GLIS3: variants seen among roughly 807,000 people sequenced by gnomAD.
GLIS3 encodes zinc finger protein GLIS3.
GLIS3 carries 53 observed loss-of-function variants against 78.6 expected under a neutral mutation model. The ratio of observed to expected loss-of-function variants is 0.67; its 90% CI spans 0.54 to 0.85. The LOEUF (loss-of-function observed/expected upper bound fraction) is 0.85. Ranked by LOEUF, GLIS3 falls within the 40% of genes least tolerant of loss-of-function variation. GLIS3 has a pLI of 0.00. For synonymous variants in GLIS3, 684 were observed against 509.9 expected, an observed-to-expected ratio of 1.34 and a Z score of -4.60; for missense variants, 1,703 against 1,231.1, an observed-to-expected ratio of 1.38 and a Z score of -5.74.
intron 9 of GLIS3, among the ~76,000 whole-genome samples, chr9:3,842,429 A>G (rs1818779992): frequency 6.6e-6 from 1 of 152,144 alleles, no homozygotes; most frequent in Non-Finnish European, 1.5e-5. Context: ...CCTAGATCAC[A>G]CCACTGCAGT....
At chr9:3,941,303 C>G (rs1815893228) in intron 4 of GLIS3, among the ~76,000 whole-genome samples, 1 of 152,174 alleles carries the variant, frequency 6.6e-6, no homozygotes, top group South Asian at 2.1e-4. Flanking sequence ...AGGACAAAAT[C>G]TCAGACTCTC....
chr9:4,320,609 A>G lies in GLIS3; in HGVS notation n.265-10081T>C, dbSNP rs535579225. On this transcript the variant is annotated intron_variant and non_coding_transcript_variant, in intron 2 of 4. Transcript: ENST00000471664. ...CCCATCATCATCACCAGCACTACCA[A>G]TACCACCATTACCACCTACACCATC... 1.4e-4 allele frequency among the ~76,000 whole-genome samples: 21 copies of G among 152,090 alleles called. 1 individual carries two copies. In the South Asian group the frequency reaches 3.9e-3, roughly 29 times the overall value.
At position 3,879,819 on chromosome 9, in the gene GLIS3, G is replaced by A. The variant is rs112167900; in HGVS notation, c.2129-224C>T. 2.9e-3 allele frequency among the ~76,000 whole-genome samples: 440 copies of A among 152,166 alleles called. 3 individuals are homozygous for A. Among genetic ancestry groups the A allele is most frequent in the African/African-American group, 9.1e-3 (379 of 41,514 alleles). On this transcript the variant is annotated intron_variant, in intron 7 of 10. Transcript: ENST00000381971. The stretch of plus-strand genomic sequence containing the variant: ...TGGCTCGCTTCAGGCTGATGTTCAC[G>A]GTCTGTCTCCTAAGTGCTGCCATGC...
chr9:4,357,422 G>A, the GLIS3 span, among the ~76,000 whole-genome samples: 11 of 152,190 alleles, frequency 7.2e-5, no homozygotes, highest in Non-Finnish European at 1.5e-4. Context: ...CCTTCAGTTT[G>A]GACTAGATTT....
At chr9:3,950,783 G>A (rs1263673687) in intron 4 of GLIS3, among the ~76,000 whole-genome samples, 1 of 152,234 alleles carries the variant, frequency 6.6e-6, no homozygotes, top group African/African-American at 2.4e-5. Flanking sequence ...CAATGCAGAT[G>A]TGTTGAATAA....
Position 4,118,663 on chromosome 9 carries a change from T to A in GLIS3, c.815A>T (p.Tyr272Phe), listed in dbSNP as rs753980353. The A allele has an allele frequency of 1.2e-6, 2 of 1,613,278 alleles. No homozygotes were observed. The highest frequency in any genetic ancestry group is 1.7e-6 in the Non-Finnish European group (2 of 1,179,808). The change falls in exon 4 of 11, where the codon TAC becomes TTC. Residue 272 changes from tyrosine (Y) to phenylalanine (F), a missense_variant. Coordinates refer to ENST00000381971, the MANE Select transcript of GLIS3 (RefSeq NM_001042413.2). This position sits in a 1 kb window ranked among gnomAD's most constrained non-coding sequence, Gnocchi z 4.7. ...GTGGCTACTTTCCGTGCCAAAAAGGTAGGATGGTAATGAGTTAGAGACACT... is the reference window on the plus strand; with the variant it reads ...GTGGCTACTTTCCGTGCCAAAAAGGAAGGATGGTAATGAGTTAGAGACACT... The part of the protein sequence containing the change: ...SNSVSNSLPS[Y>F]LFGTESSHSP...
chr9:4,432,050 C>G, the GLIS3 span, among the ~76,000 whole-genome samples: 1 of 152,078 alleles, frequency 6.6e-6, no homozygotes, highest in Admixed American at 6.6e-5. Context: ...CACAGTTTGC[C>G]GACTTCTGCT....
chr9:4,373,400 G>C, the GLIS3 span, among the ~76,000 whole-genome samples: 2 of 152,190 alleles, frequency 1.3e-5, no homozygotes, highest in Non-Finnish European at 2.9e-5. Context: ...AGTAGTAGGG[G>C]ATGCGGATGG....
intron 2 of GLIS3, among the ~76,000 whole-genome samples, chr9:4,236,204 A>AAAAAAAAAAAAAAG (rs536737911): frequency 1.8e-3 from 158 of 86,366 alleles, no homozygotes; most frequent in East Asian, 5.9e-3. Flanking sequence ...AAAAAAAAAA[A>AAAAAAAAAAAAAAG]AAAGAAAGAA....
intron 1 of GLIS3, among the ~76,000 whole-genome samples, chr9:4,288,250 C>G (rs1289311100): frequency 1.3e-5 from 2 of 152,128 alleles, no homozygotes; most frequent in Non-Finnish European, 2.9e-5. Context: ...ATCTATTTTC[C>G]TCTCATTGAT....
chr9:4,042,425 T>C (rs1444689793), intron 4 of GLIS3, among the ~76,000 whole-genome samples: 1 of 152,136 alleles, frequency 6.6e-6, no homozygotes, highest in Non-Finnish European at 1.5e-5. Flanking sequence ...CATGAGTACA[T>C]AAAGCATGCC....
At chr9:3,879,883 G>C (rs1199046350) in intron 7 of GLIS3, among the ~76,000 whole-genome samples, 1 of 152,096 alleles carries the variant, frequency 6.6e-6, no homozygotes, top group Non-Finnish European at 1.5e-5. Flanking sequence ...TAATTAGTCA[G>C]TCTTGTACTG....
the GLIS3 span, among the ~76,000 whole-genome samples, chr9:4,362,690 G>C: frequency 3.3e-5 from 5 of 152,288 alleles, no homozygotes; most frequent in Admixed American, 6.5e-5. Context: ...GCACCCTCAG[G>C]TAACGCCCCA....
chr9:3,888,871 G>GT (rs1563815466), intron 7 of GLIS3, among the ~76,000 whole-genome samples: 2 of 152,108 alleles, frequency 1.3e-5, no homozygotes, highest in Non-Finnish European at 2.9e-5. Flanking sequence ...TGGAATGGAG[G>GT]GTTCAGCCTT....
intron 2 of GLIS3, among the ~76,000 whole-genome samples, chr9:4,270,468 G>T (rs1826403466): frequency 6.6e-6 from 1 of 152,134 alleles, no homozygotes; most frequent in Admixed American, 6.5e-5. Context: ...GTCAGCTAGA[G>T]CCCCATCTGA....
chr9:4,396,501 A>C, the GLIS3 span, among the ~76,000 whole-genome samples: 74 of 152,336 alleles, frequency 4.9e-4, 1 homozygote, highest in African/African-American at 1.7e-3. Flanking sequence ...TAAAATAATG[A>C]CAATGTAACT....
chr9:4,465,356 T>C, the GLIS3 span, among the ~76,000 whole-genome samples: 1 of 152,218 alleles, frequency 6.6e-6, no homozygotes, highest in Non-Finnish European at 1.5e-5. Flanking sequence ...GAGACCAGCC[T>C]GGCCAACGTG....
chr9:4,105,008 T>C (rs1384406924), intron 4 of GLIS3, among the ~76,000 whole-genome samples: 1 of 152,228 alleles, frequency 6.6e-6, no homozygotes, highest in African/African-American at 2.4e-5. Flanking sequence ...TGCACACCTA[T>C]AATTAGATGA....
chr9:4,298,750 G>A (rs778190288), intron 1 of GLIS3, among the ~76,000 whole-genome samples: 1 of 152,116 alleles, frequency 6.6e-6, no homozygotes. Context: ...GCGTCCTGGC[G>A]GCGTGGGAGG....
Sources: allele counts gnomAD v4.1 joint callset (sites outside exome capture counted in the v4.1 genomes callset), GRCh38; gene constraint gnomAD v4.1.1; non-coding constraint Gnocchi (gnomAD v3.1); transcripts MANE v1.5; gene names NCBI Gene and HGNC (gene_info 2026-07-23, HGNC 2026-07-21).